The following RAPGEF2 variants were observed in gnomAD, a reference collection of about 807,000 sequenced individuals.
RAPGEF2 encodes the protein PDZ domain containing guanine nucleotide exchange factor (GEF) 1.
Under a neutral mutation model 186.7 loss-of-function variants are expected in RAPGEF2, and 54 were observed. The observed-to-expected ratio is 0.29, with a 90% CI of 0.23 to 0.36. The LOEUF (loss-of-function observed/expected upper bound fraction) is 0.36. Ranked by LOEUF, RAPGEF2 falls within the 10% of genes least tolerant of loss-of-function variation. The pLI is 1.00. For missense variants in RAPGEF2, 1,532 were observed against 2,045.0 expected (o/e 0.75, Z 4.84); for synonymous variants, 712 against 705.9 (o/e 1.01, Z -0.14).
intron 1 of RAPGEF2, among the ~76,000 whole-genome samples, chr4:159,185,522 A>G (rs1270580583): frequency 6.6e-6 from 1 of 152,250 alleles, no homozygotes; most frequent in Non-Finnish European, 1.5e-5. Context: ...AAACATGGAT[A>G]AACCTTGAAA....
intron 1 of RAPGEF2, among the ~76,000 whole-genome samples, chr4:159,127,963 A>C (rs1459859393): frequency 1.3e-5 from 2 of 152,190 alleles, no homozygotes; most frequent in Non-Finnish European, 2.9e-5. Flanking sequence ...GTCAGAAGCA[A>C]AGTCCTGAAT....
chr4:159,260,127 A>G lies in RAPGEF2; in HGVS notation c.543+16336A>G, dbSNP rs371199348. ...ATTCACCTCACAAGTAGCTGGTATT[A>G]CAGGTGTGCACCACAACGACTGGCT... On this transcript the variant is annotated intron_variant, in intron 7 of 29. Transcript: ENST00000691494. 2.6e-5 allele frequency among the ~76,000 whole-genome samples: 4 copies of G among 152,092 alleles called. No individual in the cohort carries two copies. In the East Asian group the frequency reaches 5.8e-4, roughly 22 times the overall value.
chr4:159,342,995 C>T lies in RAPGEF2; in HGVS notation c.2935C>T (p.Pro979Ser), dbSNP rs1288320835. 1 of 1,613,860 alleles carries T rather than the reference C, an allele frequency of 6.2e-7. No homozygotes were observed. The highest frequency in any genetic ancestry group is 8.5e-7 in the Non-Finnish European group (1 of 1,179,896). ...TCCTCTCAGTGGCCTAAACCTGGCA[C>T]CAGTGGCAAGACTGCGAACGACCTG... is the stretch of plus-strand genomic sequence containing the variant. ...FAIISGLNLAPVARLRTTWEK... is the reference protein window; with the variant it reads ...FAIISGLNLASVARLRTTWEK... The change falls in exon 21 of 30, where the codon CCA becomes TCA. Residue 979 changes from proline (P) to serine (S), a missense_variant. Transcript: ENST00000691494.
chr4:159,354,534 G>A (rs1308383141), intron 28 of RAPGEF2, among the ~76,000 whole-genome samples: 1 of 152,162 alleles, frequency 6.6e-6, no homozygotes. Flanking sequence ...CTTTGTGCAC[G>A]CTGTAGAAGG....
intron 1 of RAPGEF2, among the ~76,000 whole-genome samples, chr4:159,172,391 C>T (rs1745999755): frequency 6.6e-6 from 1 of 152,124 alleles, no homozygotes; most frequent in Admixed American, 6.6e-5. Flanking sequence ...CTTCCCTATT[C>T]ATGTTCCTTT....
chr4:159,346,080 C>G (rs202089373), intron 24 of RAPGEF2, among the ~76,000 whole-genome samples: 2 of 152,162 alleles, frequency 1.3e-5, no homozygotes, highest in East Asian at 3.8e-4. Context: ...GAGTTCAAAT[C>G]CTGTTTGTCT....
At chr4:159,351,125 C>T in intron 26 of RAPGEF2, 1 of 1,535,506 alleles carries the variant, frequency 6.5e-7, no homozygotes, top group South Asian at 1.2e-5. Context: ...TCCTCCTCTT[C>T]TCTTGGAAGT....
chr4:159,200,073 T>C (rs1367760906), intron 3 of RAPGEF2, among the ~76,000 whole-genome samples: 1 of 152,040 alleles, frequency 6.6e-6, no homozygotes, highest in African/African-American at 2.4e-5. Flanking sequence ...TATATATATA[T>C]AGTTTGTATT....
At chr4:159,330,104 T>G in intron 12 of RAPGEF2, 94 bp downstream of exon 12, 2 of 1,290,800 alleles carry the variant, frequency 1.5e-6, no homozygotes, top group Non-Finnish European at 2.1e-6. Flanking sequence ...TTTAGGCCTA[T>G]CTCTTAAAGG....
intron 7 of RAPGEF2, among the ~76,000 whole-genome samples, chr4:159,297,481 G>A (rs960461528): frequency 6.6e-6 from 1 of 152,148 alleles, no homozygotes; most frequent in East Asian, 1.9e-4. Context: ...CTAAACTACA[G>A]AAATTTGAAT....
At chr4:159,182,397 T>A (rs1343462258) in intron 1 of RAPGEF2, among the ~76,000 whole-genome samples, 3 of 135,584 alleles carry the variant, frequency 2.2e-5, no homozygotes, top group African/African-American at 9.1e-5. Flanking sequence ...TTTTTTTTTT[T>A]TTTTTTTTTT....
At chr4:159,194,410 T>G (rs1748414133) in intron 3 of RAPGEF2, among the ~76,000 whole-genome samples, 1 of 152,156 alleles carries the variant, frequency 6.6e-6, no homozygotes, top group Non-Finnish European at 1.5e-5. Flanking sequence ...ATGGAAAATT[T>G]CAGACACAAT....
intron 1 of RAPGEF2, among the ~76,000 whole-genome samples, chr4:159,166,334 A>T (rs36018887): frequency 0.18 from 27,496 of 152,094 alleles, 2,520 homozygotes; most frequent in Admixed American, 0.24. Context: ...TGTAAGGAAA[A>T]GGGCAGAGGC....
In RAPGEF2 at chr4:159,252,288, G is replaced by A. The variant is rs958895973; in HGVS notation, c.543+8497G>A. Among the ~76,000 whole-genome samples, 11 of 152,170 alleles carry A rather than the reference G, an allele frequency of 7.2e-5. 1 individual carries two copies. Among genetic ancestry groups the A allele is most frequent in the South Asian group, 4.1e-4 (2 of 4,828 alleles). On this transcript the variant is annotated intron_variant, in intron 7 of 29. Transcript: ENST00000691494. Reference sequence around the variant, plus strand: ...TGAGTTTGAACTCCTGAGCTCAAGCGATTTGCCTGCCTTGGCCTCCCAAAG... The same window carrying A: ...TGAGTTTGAACTCCTGAGCTCAAGCAATTTGCCTGCCTTGGCCTCCCAAAG...
In RAPGEF2 at chr4:159,103,588, C is replaced by G. The variant is rs908975642; in HGVS notation, c.-575C>G. The stretch of plus-strand genomic sequence containing the variant: ...GCCAGACCCACCTGGTCCGTCCTCC[C>G]GACCGGCGGCCGAGGCGCCCGAGGA... On this transcript the variant is annotated 5_prime_UTR_variant, in exon 1 of 30. Coordinates refer to ENST00000691494, the MANE Select transcript of RAPGEF2 (RefSeq NM_001394067.2). 23 of 153,130 alleles carry G rather than the reference C, an allele frequency of 1.5e-4. No individual in the cohort carries two copies. Among genetic ancestry groups the G allele is most frequent in the Admixed American group, 3.9e-4 (6 of 15,294 alleles). 9.5% of individuals were successfully genotyped at this position (153,130 alleles called of 1,614,324 possible). A position where few individuals can be genotyped will look rare whatever the true frequency, so the allele number is the denominator to read the frequency against.
intron 1 of RAPGEF2, among the ~76,000 whole-genome samples, chr4:159,127,989 A>G (rs1246618254): frequency 6.6e-6 from 1 of 152,200 alleles, no homozygotes; most frequent in African/African-American, 2.4e-5. Context: ...GCATGGTGTT[A>G]TGAATCTCTA....
At chr4:159,222,574 A>G (rs1173059712) in intron 4 of RAPGEF2, among the ~76,000 whole-genome samples, 3 of 152,168 alleles carry the variant, frequency 2.0e-5, no homozygotes, top group Non-Finnish European at 4.4e-5. Context: ...TTCTCTGGAA[A>G]ATGTTTCAGT....
In RAPGEF2 at chr4:159,121,541, A is replaced by T. The variant is rs182925838; in HGVS notation, c.69+17310A>T. Among the ~76,000 whole-genome samples the T allele has an allele frequency of 4.8e-4, 72 of 151,108 alleles. 1 individual carries two copies. Among genetic ancestry groups the T allele is most frequent in the Non-Finnish European group, 6.8e-4 (46 of 67,698 alleles). ...CTACCATGCCTGTAGCTAATTTTTAATTTTTTTTGTGGAGATGGGATCTCA... is the reference window on the plus strand; with the variant it reads ...CTACCATGCCTGTAGCTAATTTTTATTTTTTTTTGTGGAGATGGGATCTCA... On this transcript the variant is annotated intron_variant, in intron 1 of 29. Transcript: ENST00000691494.
intron 1 of RAPGEF2, among the ~76,000 whole-genome samples, chr4:159,170,258 G>C (rs1435743175): frequency 6.6e-6 from 1 of 151,676 alleles, no homozygotes; most frequent in Non-Finnish European, 1.5e-5. Flanking sequence ...GGTTACTTGT[G>C]TTTTTTTGCT....
Sources: gnomAD v4.1 joint callset for allele counts (sites outside exome capture counted in the v4.1 genomes callset) on GRCh38, gnomAD v4.1.1 for gene constraint, MANE v1.5 for transcripts, NCBI Gene and HGNC (gene_info 2026-07-23, HGNC 2026-07-21) for gene names.